Variants in HYCC1 observed in about 807,000 individuals in gnomAD.
HYCC1 encodes the protein hyccin.
the HYCC1 span, among the ~76,000 whole-genome samples, chr7:22,896,101 G>A: frequency 3.3e-5 from 5 of 152,208 alleles, no homozygotes; most frequent in Admixed American, 6.5e-5. Context: ...CTATTCTGTC[G>A]ACTTCCCTTG....
the HYCC1 span, among the ~76,000 whole-genome samples, chr7:22,952,053 C>G: frequency 6.6e-6 from 1 of 151,930 alleles, no homozygotes; most frequent in Admixed American, 6.6e-5. Flanking sequence ...CTCACTTATT[C>G]ATGCATTCAA....
the HYCC1 span, among the ~76,000 whole-genome samples, chr7:23,002,150 A>ATATATATATATATACAAT: frequency 7.3e-5 from 2 of 27,500 alleles, no homozygotes; most frequent in African/African-American, 3.8e-4. Context: ...ATATATATAT[A>ATATATATATATATACAAT]TATATATATA....
chr7:22,967,147 T>C, the HYCC1 span, among the ~76,000 whole-genome samples: 4 of 152,242 alleles, frequency 2.6e-5, no homozygotes, highest in Non-Finnish European at 5.9e-5. Flanking sequence ...TCTAGAGATA[T>C]ACATGATGGA....
At chr7:22,898,227 T>A in the HYCC1 span, among the ~76,000 whole-genome samples, 2 of 151,812 alleles carry the variant, frequency 1.3e-5, no homozygotes, top group African/African-American at 2.4e-5. Flanking sequence ...TTATTTATTT[T>A]TTTTGAGACA....
chr7:22,907,325 C>CTAG, the HYCC1 span, among the ~76,000 whole-genome samples: 2 of 152,086 alleles, frequency 1.3e-5, no homozygotes, highest in Non-Finnish European at 2.9e-5. Context: ...AAAGTATTGG[C>CTAG]ACCTGGTGGG....
the HYCC1 span, among the ~76,000 whole-genome samples, chr7:22,959,235 T>C: frequency 6.6e-6 from 1 of 152,198 alleles, no homozygotes; most frequent in African/African-American, 2.4e-5. Context: ...TGGATAATCA[T>C]TATTGTTTTC....
chr7:22,930,977 T>A, the HYCC1 span, among the ~76,000 whole-genome samples: 1 of 151,946 alleles, frequency 6.6e-6, no homozygotes, highest in East Asian at 1.9e-4. Context: ...ACTACAAATA[T>A]CAAGCAACTT....
At chr7:22,931,702 G>A in the HYCC1 span, among the ~76,000 whole-genome samples, 2 of 152,132 alleles carry the variant, frequency 1.3e-5, no homozygotes, top group Non-Finnish European at 2.9e-5. Context: ...TGGTAAAAAT[G>A]TGAACATTGA....
the HYCC1 span, among the ~76,000 whole-genome samples, chr7:22,921,998 A>C: frequency 6.6e-6 from 1 of 152,182 alleles, no homozygotes; most frequent in East Asian, 1.9e-4. Flanking sequence ...AAAATCATTA[A>C]ATGAGTTTGA....
chr7:22,970,669 G>A, the HYCC1 span, among the ~76,000 whole-genome samples: 1 of 152,146 alleles, frequency 6.6e-6, no homozygotes, highest in Non-Finnish European at 1.5e-5. Context: ...TCATTAACTG[G>A]TAATGGCATC....
At chr7:22,908,347 T>G in the HYCC1 span, among the ~76,000 whole-genome samples, 1 of 152,256 alleles carries the variant, frequency 6.6e-6, no homozygotes, top group Non-Finnish European at 1.5e-5. Flanking sequence ...CTTGCTTTGG[T>G]TACATTTTCT....
At chr7:22,904,693 C>A in the HYCC1 span, among the ~76,000 whole-genome samples, 1 of 151,572 alleles carries the variant, frequency 6.6e-6, no homozygotes, top group Non-Finnish European at 1.5e-5. Flanking sequence ...TGGCTCATGA[C>A]AGCACTTTGG....
the HYCC1 span, chr7:22,946,095 T>A: frequency 1.2e-6 from 2 of 1,613,386 alleles, no homozygotes; most frequent in Non-Finnish European, 1.7e-6. Context: ...GACGCAGCCC[T>A]GGAATAAAAT....
the HYCC1 span, among the ~76,000 whole-genome samples, chr7:22,980,433 A>T: frequency 2.6e-5 from 4 of 152,100 alleles, no homozygotes; most frequent in East Asian, 7.7e-4. Context: ...TTGTAAAATA[A>T]ATTTTGAGTT....
At chr7:22,945,569 G>A in the HYCC1 span, 1 of 1,557,334 alleles carries the variant, frequency 6.4e-7, no homozygotes, top group Non-Finnish European at 8.9e-7. Flanking sequence ...CTAGGTTATG[G>A]GAGAAAAATA....
At chr7:22,932,128 C>T in the HYCC1 span, among the ~76,000 whole-genome samples, 2 of 152,142 alleles carry the variant, frequency 1.3e-5, no homozygotes, top group Non-Finnish European at 2.9e-5. Context: ...ACCATCTTAT[C>T]AGAAGCCACA....
chr7:22,971,579 G>A, the HYCC1 span, among the ~76,000 whole-genome samples: 2 of 151,178 alleles, frequency 1.3e-5, no homozygotes, highest in African/African-American at 4.9e-5. Flanking sequence ...AGGACGCTGA[G>A]GCACAAGAAT....
chr7:22,929,879 A>T, the HYCC1 span, among the ~76,000 whole-genome samples: 16 of 152,224 alleles, frequency 1.1e-4, no homozygotes, highest in African/African-American at 3.9e-4. Context: ...GCTGCTATAA[A>T]GACACGTGCA....
At chr7:22,957,823 CTA>C in the HYCC1 span, among the ~76,000 whole-genome samples, 1 of 151,476 alleles carries the variant, frequency 6.6e-6, no homozygotes, top group Non-Finnish European at 1.5e-5. Flanking sequence ...TTCTATAGTC[CTA>C]TGTTTCAGAA....
Sources: allele counts gnomAD v4.1 joint callset (sites outside exome capture counted in the v4.1 genomes callset), GRCh38; gene constraint gnomAD v4.1.1; transcripts MANE v1.5; gene names NCBI Gene and HGNC (gene_info 2026-07-23, HGNC 2026-07-21).